PDE4A: variants seen among roughly 807,000 people sequenced by gnomAD.
PDE4A encodes the protein 3',5'-cyclic-AMP phosphodiesterase 4A.
PDE4A carries 21 observed loss-of-function variants against 73.9 expected under a neutral mutation model. The ratio of observed to expected loss-of-function variants is 0.28; its 90% CI spans 0.20 to 0.41. The LOEUF (loss-of-function observed/expected upper bound fraction) is 0.41, where lower values mean the gene tolerates loss of function less well. Among genes scored for constraint, PDE4A ranks in the 10% least tolerant of loss-of-function variants. PDE4A has a pLI of 1.00. For missense variants in PDE4A, 958 were observed against 1,211.4 expected (o/e 0.79, Z 3.10); for synonymous variants, 463 against 505.4 (o/e 0.92, Z 1.13).
At chr19:10,448,830 G>A in intron 2 of PDE4A, 87 bp from the exon 3 acceptor site, 1 of 1,593,886 alleles carries the variant, frequency 6.3e-7, no homozygotes. Flanking sequence ...CTCCCTCTCA[G>A]CCTCCCTGGG....
At position 10,461,891 on chromosome 19, in the gene PDE4A, C is replaced by T. The variant is rs773296813; in HGVS notation, c.1635C>T (p.Asp545=). 3 of 1,613,778 alleles carry T rather than the reference C, an allele frequency of 1.9e-6. No homozygotes were observed. Among genetic ancestry groups the T allele is most frequent in the South Asian group, 1.1e-5 (1 of 91,068 alleles). Residue 545 remains aspartate, a synonymous_variant, in exon 13 of 15, where the codon GAC becomes GAT. Transcript: ENST00000380702. Reference sequence around the variant, plus strand: ...CTTGCCCGCAGGTGCTGGCCACGGACATGTCCAAGCACATGACCCTCCTGG... The same window carrying T: ...CTTGCCCGCAGGTGCTGGCCACGGATATGTCCAAGCACATGACCCTCCTGG... ...KMVIDMVLAT[D]MSKHMTLLAD... is the part of the protein sequence containing the mutation.
chr19:10,417,695 C>T (rs1254941587), upstream of PDE4A: 4 of 1,595,636 alleles, frequency 2.5e-6, no homozygotes, highest in East Asian at 4.5e-5. Context: ...ACCGTGCCAA[C>T]ATGCTGGGGG....
chr19:10,450,739 C>T (rs2043076619), intron 5 of PDE4A, 87 bp downstream of exon 5: 2 of 1,582,376 alleles, frequency 1.3e-6, no homozygotes, highest in Non-Finnish European at 1.7e-6. Context: ...GCAGTCCACT[C>T]ACCTGGCGAA....
intron 1 of PDE4A, among the ~76,000 whole-genome samples, chr19:10,429,833 A>T (rs915163781): frequency 1.3e-5 from 2 of 152,044 alleles, no homozygotes; most frequent in Non-Finnish European, 2.9e-5. Flanking sequence ...CTCCATGGTT[A>T]CTAGGGCATC....
upstream of PDE4A, chr19:10,417,074 T>A (rs544994437): frequency 1.8e-5 from 27 of 1,491,124 alleles, no homozygotes; most frequent in Non-Finnish European, 2.0e-5. Flanking sequence ...GGCTATTTCC[T>A]GAACGTGGCT....
In PDE4A at chr19:10,449,109, C is replaced by T. The variant is rs200997576; in HGVS notation, c.579C>T (p.Ser193=). The T allele has an allele frequency of 1.5e-5, 24 of 1,613,778 alleles. No individual in the cohort carries two copies. The highest frequency in any genetic ancestry group is 1.9e-5 in the Non-Finnish European group (22 of 1,179,826). Residue 193 remains serine (S), a synonymous_variant, in exon 4 of 15, where the codon AGC becomes AGT. Transcript: ENST00000380702. The stretch of plus-strand genomic sequence containing the variant: ...TGGCCAGCCTCCGGAGCGTCCGTAG[C>T]AACTTCTCACTCCTGACCAATGTGC... ...QVLASLRSVR[S]NFSLLTNVPV...
At chr19:10,447,055 T>G (rs909287279) in intron 2 of PDE4A, among the ~76,000 whole-genome samples, 3 of 147,454 alleles carry the variant, frequency 2.0e-5, no homozygotes, top group Non-Finnish European at 3.0e-5. Flanking sequence ...CCCGCCACCA[T>G]GCCTGGCTAA....
chr19:10,417,688 G>A, upstream of PDE4A: 2 of 1,595,660 alleles, frequency 1.3e-6, no homozygotes, highest in Non-Finnish European at 1.7e-6. Context: ...GAATCCGACC[G>A]TGCCAACATG....
At chr19:10,434,213 CT>C (rs146534180) in intron 1 of PDE4A, among the ~76,000 whole-genome samples, 108 of 134,636 alleles carry the variant, frequency 8.0e-4, no homozygotes, top group Admixed American at 1.7e-3. Context: ...CTCTTTCTTC[CT>C]TTTTTTTTTT....
intron 13 of PDE4A, among the ~76,000 whole-genome samples, chr19:10,463,382 G>A (rs947077760): frequency 3.4e-5 from 5 of 145,356 alleles, no homozygotes; most frequent in African/African-American, 1.3e-4. Context: ...GAGCCACCGC[G>A]CCCAGCCCCA....
Position 10,457,983 on chromosome 19 carries a change from CACTT to C in PDE4A, c.985_988del (p.Leu329SerfsTer9). The C allele has an allele frequency of 6.2e-7, 1 of 1,613,986 alleles. No homozygotes were observed. The highest frequency in any genetic ancestry group is 8.5e-7 in the Non-Finnish European group (1 of 1,179,990). ...CCAGCCGCCCCCGCCCCCTGTACCACACTTACAGCCCATGTCCCAAATCACAGGG... is the reference window on the plus strand; with the variant it reads ...CCAGCCGCCCCCGCCCCCTGTACCACACAGCCCATGTCCCAAATCACAGGG... On this transcript the variant is annotated frameshift_variant, in exon 8 of 15. Transcript: ENST00000380702. LOFTEE classifies it high-confidence loss of function.
In PDE4A at chr19:10,420,982, C is replaced by A; in HGVS notation, c.218C>A (p.Thr73Asn). ...ATAGAGCGCGCCGATGCCATGGACA[C>A]CAGCGACCGGCCCGGCCTGCGCACG... is the stretch of plus-strand genomic sequence containing the variant. ...RPIERADAMD[T>N]SDRPGLRTTR... Residue 73 changes from threonine to asparagine, a missense_variant, in exon 1 of 15, where the codon ACC (threonine) becomes AAC (asparagine). Physicochemically the swap from Thr to Asn is moderately conservative, Grantham distance 65 (BLOSUM62 0). Coordinates refer to ENST00000380702, the MANE Select transcript of PDE4A (RefSeq NM_001111307.2). The surrounding 1 kb of genome is among the most constrained non-coding windows in gnomAD (Gnocchi z 6.0). The A allele has an allele frequency of 6.5e-7, 1 of 1,542,188 alleles. No homozygotes were observed.
At position 10,461,566 on chromosome 19, in the gene PDE4A, C is replaced by G. The variant is rs757467012; in HGVS notation, c.1506C>G (p.Leu502=). 5 of 1,614,058 alleles carry G rather than the reference C, an allele frequency of 3.1e-6. No individual in the cohort carries two copies. Among genetic ancestry groups the G allele is most frequent in the Non-Finnish European group, 4.2e-6 (5 of 1,180,006 alleles). ...TCATGTACAACGATGAGTCGGTGCT[C>G]GAGAATCACCACCTGGCCGTGGGCT... ...LALMYNDESV[L]ENHHLAVGFK... The change falls in exon 12 of 15, where the codon CTC becomes CTG. Residue 502 remains leucine, a synonymous_variant. Coordinates refer to ENST00000380702, the MANE Select transcript of PDE4A (RefSeq NM_001111307.2).
chr19:10,463,703 C>T, intron 13 of PDE4A, 90 bp from the exon 14 acceptor site: 1 of 1,571,166 alleles, frequency 6.4e-7, no homozygotes, highest in Non-Finnish European at 8.7e-7. Flanking sequence ...GCCTGGCCCC[C>T]ATTTCTTAAA....
In PDE4A at chr19:10,420,624, C is replaced by T. The variant is rs2042636613; in HGVS notation, c.-141C>T. The T allele has an allele frequency of 3.8e-6, 5 of 1,323,274 alleles. No homozygotes were observed. In the East Asian group the frequency reaches 1.3e-4, roughly 34 times the overall value. 82.0% of individuals were successfully genotyped at this position (1,323,274 alleles called of 1,614,324 possible). Reference sequence around the variant, plus strand: ...GGGGGCGATTGGCCCGCAGCGCCCCCGGGTCTGTCCCCGGGGCGCCATGGC... The same window carrying T: ...GGGGGCGATTGGCCCGCAGCGCCCCTGGGTCTGTCCCCGGGGCGCCATGGC... On this transcript the variant is annotated 5_prime_UTR_variant, in exon 1 of 15. Transcript: ENST00000380702. The surrounding 1 kb of genome is among the most constrained non-coding windows in gnomAD (Gnocchi z 6.0).
Position 10,463,893 on chromosome 19 carries a change from A to G in PDE4A, c.1844A>G (p.Gln615Arg). 6.2e-7 allele frequency: 1 copy of G among 1,614,140 alleles called. No homozygotes were observed. The highest frequency in any genetic ancestry group is 8.5e-7 in the Non-Finnish European group (1 of 1,180,018). Residue 615 changes from glutamine (Q) to arginine (R), a missense_variant, in exon 14 of 15, where the codon CAG (glutamine) becomes CGG (arginine). Gln to Arg is a conservative substitution (Grantham distance 43). Coordinates refer to ENST00000380702, the MANE Select transcript of PDE4A (RefSeq NM_001111307.2). ...WTDRIMAEFF[Q>R]QGDRERERGM... ...GACCGCATCATGGCCGAGTTCTTCC[A>G]GCAGGGTGACCGAGAGCGCGAGCGT...
chr19:10,420,736 C>T lies in PDE4A; in HGVS notation c.-29C>T, dbSNP rs1004569537. The T allele has an allele frequency of 6.6e-7, 1 of 1,517,070 alleles. No individual in the cohort carries two copies. The highest frequency in any genetic ancestry group is 8.7e-7 in the Non-Finnish European group (1 of 1,144,876). The allele number at this position is 1,517,070 out of a possible 1,614,324, so 94.0% of individuals were successfully genotyped here. A position where few individuals can be genotyped will look rare whatever the true frequency, so the allele number is the denominator to read the frequency against. On this transcript the variant is annotated 5_prime_UTR_variant, in exon 1 of 15. Transcript: ENST00000380702. This position sits in a 1 kb window ranked among gnomAD's most constrained non-coding sequence, Gnocchi z 6.0. ...GGGTGTAGGTTGGAAGGGCCAGGGC[C>T]CCCTGGGGCGCAAGTGGGGGCCGGC...
intron 1 of PDE4A, among the ~76,000 whole-genome samples, chr19:10,445,368 G>A (rs78854124): frequency 0.064 from 9,787 of 152,282 alleles, 366 homozygotes; most frequent in Non-Finnish European, 0.088. Flanking sequence ...TTTTGGCCTT[G>A]GGGTGTCCCC....
chr19:10,428,355 CTCGAGA>C lies in PDE4A; in HGVS notation c.320+7272_320+7277del, dbSNP rs1203473455. 1.1e-3 allele frequency among the ~76,000 whole-genome samples: 120 copies of C among 107,098 alleles called. 1 individual carries two copies. The highest frequency in any genetic ancestry group is 4.2e-3 in the African/African-American group (107 of 25,664). 70.3% of individuals were successfully genotyped at this position (107,098 alleles called of 152,430 possible). ...CCTCGATGACAGAGTGAGATCCTGTCTCGAGAGAGAGAGAGAGAGAGAGAGAGAGAG... is the reference window on the plus strand; with the variant it reads ...CCTCGATGACAGAGTGAGATCCTGTCGAGAGAGAGAGAGAGAGAGAGAGAG... On this transcript the variant is annotated intron_variant, in intron 1 of 14. Transcript: ENST00000380702.
Sources: allele counts gnomAD v4.1 joint callset (sites outside exome capture counted in the v4.1 genomes callset), GRCh38; gene constraint gnomAD v4.1.1; non-coding constraint Gnocchi (gnomAD v3.1); transcripts MANE v1.5; gene names NCBI Gene and HGNC (gene_info 2026-07-23, HGNC 2026-07-21).